The following RPS3 variants were observed in gnomAD, a reference collection of about 807,000 sequenced individuals.
The protein encoded by RPS3 is ribosomal protein S3, also known as small ribosomal subunit protein uS3.
In RPS3, 2 loss-of-function variants were observed where a neutral mutation model predicts 25.8. The ratio of observed to expected loss-of-function variants is 0.08; its 90% confidence interval spans 0.03 to 0.24. The LOEUF is 0.24. Ranked by LOEUF, RPS3 falls within the 10% of genes least tolerant of loss-of-function variation. RPS3 has a pLI of 1.00. For synonymous variants in RPS3, 114 were observed against 114.2 expected, an observed-to-expected ratio of 1.00 and a Z score of 0.01; for missense variants, 107 against 307.1, an observed-to-expected ratio of 0.35 and a Z score of 4.87.
intron 6 of RPS3, among the ~76,000 whole-genome samples, chr11:75,415,507 T>C (rs974284957): frequency 1.3e-5 from 2 of 152,096 alleles, no homozygotes; most frequent in African/African-American, 4.8e-5. Context: ...ACCCTGTCTC[T>C]ACTAAAAATA....
At chr11:75,400,863 T>G (rs888191005) in intron 2 of RPS3, 39 bp downstream of exon 2, 2 of 1,592,946 alleles carry the variant, frequency 1.3e-6, no homozygotes, top group South Asian at 1.1e-5. Flanking sequence ...ATAATTGTTA[T>G]AAATGCTAAG....
At chr11:75,419,957 A>T (rs951264523) in intron 6 of RPS3, among the ~76,000 whole-genome samples, 2 of 152,238 alleles carry the variant, frequency 1.3e-5, no homozygotes, top group African/African-American at 4.8e-5. Context: ...GACCATTAAG[A>T]ATAGTCATAA....
downstream of RPS3, among the ~76,000 whole-genome samples, chr11:75,408,314 A>C (rs71467877): frequency 1.3e-5 from 2 of 152,120 alleles, no homozygotes; most frequent in Non-Finnish European, 2.9e-5. Context: ...GCCAGCCTGG[A>C]CAACATGGTG....
chr11:75,411,545 A>G (rs1490519710), downstream of RPS3, among the ~76,000 whole-genome samples: 2 of 151,524 alleles, frequency 1.3e-5, no homozygotes, highest in African/African-American at 4.9e-5. Flanking sequence ...GCCCGCTACC[A>G]TGCCTGGCTA....
chr11:75,414,641 T>G (rs529003551), intron 6 of RPS3, among the ~76,000 whole-genome samples: 2 of 152,008 alleles, frequency 1.3e-5, no homozygotes, highest in South Asian at 4.2e-4. Flanking sequence ...TAAAAAAGGT[T>G]ATTCTCAGGC....
chr11:75,407,996 A>G (rs1311953970), downstream of RPS3, among the ~76,000 whole-genome samples: 7 of 152,224 alleles, frequency 4.6e-5, no homozygotes, highest in Admixed American at 1.3e-4. Context: ...TTGTGACAGA[A>G]AAGTATGCAG....
intron 1 of RPS3, among the ~76,000 whole-genome samples, chr11:75,400,200 C>G (rs1015414254): frequency 5.3e-5 from 8 of 152,194 alleles, no homozygotes; most frequent in Non-Finnish European, 1.2e-4. Context: ...TCTGTTGGTA[C>G]CGTAAAGCCA....
intron 6 of RPS3, 138 bp downstream of exon 6, chr11:75,405,006 AG>A: frequency 1.7e-6 from 1 of 584,810 alleles, no homozygotes; most frequent in Non-Finnish European, 2.9e-6. Flanking sequence ...GGAGAATACA[AG>A]TTGAAACCTG....
chr11:75,403,978 T>A, intron 4 of RPS3, 42 bp from the exon 5 acceptor site: 1 of 1,570,482 alleles, frequency 6.4e-7, no homozygotes, highest in East Asian at 2.3e-5. Flanking sequence ...TTGGTGGAGG[T>A]CCTTGGCAAT....
At position 75,399,519 on chromosome 11, in the gene RPS3, C is replaced by G. The variant is rs553767972; in HGVS notation, c.-29C>G. ...CTCACTTCCGCCCGCGAGCCACTTCCTTTCCTTTCAGCGGAGCGCGGCGGC... is the reference window on the plus strand; with the variant it reads ...CTCACTTCCGCCCGCGAGCCACTTCGTTTCCTTTCAGCGGAGCGCGGCGGC... On this transcript the variant is annotated 5_prime_UTR_variant, in exon 1 of 7. Coordinates refer to ENST00000531188, the MANE Select transcript of RPS3 (RefSeq NM_001005.5). The G allele has an allele frequency of 2.5e-6, 4 of 1,613,716 alleles. No homozygotes were observed. Among genetic ancestry groups the G allele is most frequent in the Non-Finnish European group, 3.4e-6 (4 of 1,179,822 alleles).
intron 6 of RPS3, among the ~76,000 whole-genome samples, chr11:75,420,323 C>A (rs1276081089): frequency 1.3e-5 from 2 of 152,186 alleles, no homozygotes; most frequent in Non-Finnish European, 2.9e-5. Flanking sequence ...GGACAAGAAC[C>A]ATGTGTCCAT....
downstream of RPS3, among the ~76,000 whole-genome samples, chr11:75,411,749 A>G (rs185845486): frequency 1.8e-4 from 27 of 152,304 alleles, no homozygotes; most frequent in Non-Finnish European, 7.3e-5. Context: ...ACCAAATGGC[A>G]TTACTCTTCC....
At chr11:75,416,458 CTA>C (rs1565168587) in intron 6 of RPS3, among the ~76,000 whole-genome samples, 2 of 125,974 alleles carry the variant, frequency 1.6e-5, no homozygotes, top group Admixed American at 7.7e-5. Flanking sequence ...TTGATTATTT[CTA>C]TTTTTTTTTT....
At position 75,401,582 on chromosome 11, in the gene RPS3, G is replaced by A. The variant is rs1948210581; in HGVS notation, c.162-58G>A. 3 of 1,205,288 alleles carry A rather than the reference G, an allele frequency of 2.5e-6. No homozygotes were observed. In the Admixed American group the frequency reaches 5.2e-5, roughly 21 times the overall value. The allele number at this position is 1,205,288 out of a possible 1,614,324, so 74.7% of individuals were successfully genotyped here. On this transcript the variant is annotated intron_variant, in intron 2 of 6. Coordinates refer to ENST00000531188, the MANE Select transcript of RPS3 (RefSeq NM_001005.5). Reference sequence around the variant, plus strand: ...ATTTTGCTACCACACATATATGCAAGATTTAAAGTTACATCTAGCATTTGT... The same window carrying A: ...ATTTTGCTACCACACATATATGCAAAATTTAAAGTTACATCTAGCATTTGT...
At position 75,404,436 on chromosome 11, in the gene RPS3, G is replaced by A. The variant is rs553169597; in HGVS notation, c.538+229G>A. Reference sequence around the variant, plus strand: ...TCTGTGTACCCTTCAGTGATGACACGATGACGAGTCAGAAAGGTCACGTCC... The same window carrying A: ...TCTGTGTACCCTTCAGTGATGACACAATGACGAGTCAGAAAGGTCACGTCC... On this transcript the variant is annotated intron_variant, in intron 5 of 6. Coordinates refer to ENST00000531188, the MANE Select transcript of RPS3 (RefSeq NM_001005.5). The surrounding 1 kb of genome is among the most constrained non-coding windows in gnomAD (Gnocchi z 4.6). The A allele has an allele frequency of 4.7e-5, 37 of 785,730 alleles. No individual in the cohort carries two copies. The highest frequency in any genetic ancestry group is 3.9e-4 in the African/African-American group (23 of 59,526). The allele number at this position is 785,730 out of a possible 1,614,324, so 48.7% of individuals were successfully genotyped here. A position where few individuals can be genotyped will look rare whatever the true frequency, so the allele number is the denominator to read the frequency against.
downstream of RPS3, among the ~76,000 whole-genome samples, chr11:75,408,708 G>C (rs1202376740): frequency 1.3e-5 from 2 of 152,048 alleles, no homozygotes; most frequent in Admixed American, 6.6e-5. Flanking sequence ...ACCACTCCTG[G>C]CCAATTTTTG....
At chr11:75,421,648 C>A (rs368020668) in intron 6 of RPS3, 1 of 152,246 alleles carries the variant, frequency 6.6e-6, no homozygotes, top group Admixed American at 6.5e-5. Flanking sequence ...ACGGTGCCCC[C>A]ACCCTGGGCC....
chr11:75,408,714 T>C (rs954389749), downstream of RPS3, among the ~76,000 whole-genome samples: 2 of 151,950 alleles, frequency 1.3e-5, no homozygotes, highest in Non-Finnish European at 2.9e-5. Flanking sequence ...CCTGGCCAAT[T>C]TTTGTATTTT....
chr11:75,405,624 G>A lies in RPS3; in HGVS notation c.*14G>A, dbSNP rs1210269601. 2.2e-6 allele frequency: 1 copy of A among 456,034 alleles called. No homozygotes were observed. The highest frequency in any genetic ancestry group is 2.0e-5 in the African/African-American group (1 of 50,170). The allele number at this position is 456,034 out of a possible 1,614,324, so 28.2% of individuals were successfully genotyped here. ...TTTATTTGGTTTCAGGGTCTCCTTG[G>A]CAGCTGTATTCTGGAGTCTGGATGT... On this transcript the variant is annotated 3_prime_UTR_variant, in exon 7 of 7. Transcript: ENST00000531188.
Sources: gnomAD v4.1 joint callset for allele counts (sites outside exome capture counted in the v4.1 genomes callset) on GRCh38, gnomAD v4.1.1 for gene constraint, Gnocchi (gnomAD v3.1) non-coding constraint, MANE v1.5 for transcripts, NCBI Gene and HGNC (gene_info 2026-07-23, HGNC 2026-07-21) for gene names.